PDLIM3: variants seen among roughly 807,000 people sequenced by gnomAD.
PDLIM3 encodes PDZ and LIM domain 3.
A neutral mutation model predicts 37.3 loss-of-function variants in PDLIM3; 36 were observed. That is an observed-to-expected ratio of 0.97 (90% CI 0.74 to 1.28). The LOEUF (loss-of-function observed/expected upper bound fraction) is 1.28. PDLIM3 is among the 50% of genes most tolerant of loss of function. The pLI, the probability that PDLIM3 is intolerant of heterozygous loss-of-function variation, is 0.00. For synonymous variants in PDLIM3, 174 were observed against 182.4 expected (o/e 0.95, Z 0.37); for missense variants, 454 against 485.0 (o/e 0.94, Z 0.60).
chr4:185,523,221 T>C (rs2095725664), intron 3 of PDLIM3, 141 bp downstream of exon 3: 1 of 636,790 alleles, frequency 1.6e-6, no homozygotes, highest in Admixed American at 2.7e-5. Context: ...ATAATATAAA[T>C]TAATCTCGGA....
In PDLIM3 at chr4:185,502,466, G is replaced by A. The variant is rs774383499; in HGVS notation, c.923C>T (p.Ala308Val). ...CTCAGGGTGCCGGTACTTATCCCGC[G>A]CCTTCACCACAGCACCGCTGTTGGG... is the stretch of plus-strand genomic sequence containing the variant. Reference protein sequence around the residue: ...GSGIVGAVVKARDKYRHPECF... With the variant: ...GSGIVGAVVKVRDKYRHPECF... The change falls in exon 8 of 8, where the codon GCG becomes GTG. Residue 308 changes from alanine (A) to valine (V), a missense_variant. Physicochemically the swap from Ala to Val is moderately conservative, Grantham distance 64. Coordinates refer to ENST00000284767, the MANE Select transcript of PDLIM3 (RefSeq NM_014476.6). The A allele has an allele frequency of 6.2e-6, 10 of 1,613,962 alleles. No individual in the cohort carries two copies. Among genetic ancestry groups the A allele is most frequent in the East Asian group, 2.2e-5 (1 of 44,884 alleles).
At chr4:185,518,776 C>T (rs980756540) in intron 3 of PDLIM3, among the ~76,000 whole-genome samples, 1 of 152,074 alleles carries the variant, frequency 6.6e-6, no homozygotes, top group Non-Finnish European at 1.5e-5. Flanking sequence ...TTCCAGTTAC[C>T]AAAACACTTT....
intron 7 of PDLIM3, among the ~76,000 whole-genome samples, chr4:185,503,306 G>A (rs935715664): frequency 2.0e-5 from 3 of 152,216 alleles, no homozygotes; most frequent in Admixed American, 2.0e-4. Flanking sequence ...TTTGGGGTGG[G>A]TGGATTGGCT....
intron 1 of PDLIM3, among the ~76,000 whole-genome samples, chr4:185,528,476 AT>A (rs1241551551): frequency 6.6e-6 from 1 of 152,242 alleles, no homozygotes; most frequent in African/African-American, 2.4e-5. Flanking sequence ...TCTTATACTT[AT>A]GCAAAATGTT....
rs1234029490 is a variant in PDLIM3 at position 185,514,627 on chromosome 4, C to T, written c.331-290G>A. The T allele has an allele frequency of 1.4e-6, 2 of 1,402,398 alleles. No homozygotes were observed. Among genetic ancestry groups the T allele is most frequent in the Non-Finnish European group, 1.9e-6 (2 of 1,045,314 alleles). 86.9% of individuals were successfully genotyped at this position (1,402,398 alleles called of 1,614,324 possible). A position where few individuals can be genotyped will look rare whatever the true frequency, so the allele number is the denominator to read the frequency against. On this transcript the variant is annotated intron_variant, in intron 3 of 7. Transcript: ENST00000284767. The surrounding 1 kb of genome is among the most constrained non-coding windows in gnomAD (Gnocchi z 4.0). ...GAAAGTAAAAATAAAACAGCAAGAG[C>T]TGGACTTTTGAAAAGAAAAGAAACC...
chr4:185,525,700 G>C (rs929795231), intron 1 of PDLIM3, among the ~76,000 whole-genome samples: 2 of 152,122 alleles, frequency 1.3e-5, no homozygotes, highest in Non-Finnish European at 2.9e-5. Flanking sequence ...GGACTTTTGG[G>C]GGGTAATTAG....
intron 7 of PDLIM3, among the ~76,000 whole-genome samples, chr4:185,502,768 A>T (rs113358918): frequency 2.0e-5 from 3 of 152,260 alleles, no homozygotes; most frequent in African/African-American, 7.2e-5. Flanking sequence ...CTACTTCATG[A>T]TCTTTCCCCA....
At chr4:185,516,576 A>G (rs377189220) in intron 3 of PDLIM3, 6 of 152,200 alleles carry the variant, frequency 3.9e-5, no homozygotes, top group African/African-American at 1.4e-4. Context: ...AATATGAACA[A>G]CTTCCTGTAG....
chr4:185,521,370 A>T lies in PDLIM3; in HGVS notation c.330+1992T>A, dbSNP rs1399006573. On this transcript the variant is annotated intron_variant, in intron 3 of 7. Coordinates refer to ENST00000284767, the MANE Select transcript of PDLIM3 (RefSeq NM_014476.6). ...AAAGAGCAAAAGTCTTACCTAGCCT[A>T]AGTATCCCACTCAACTTTCTTTTCT... is the stretch of plus-strand genomic sequence containing the variant. 3.4e-5 allele frequency among the ~76,000 whole-genome samples: 2 copies of T among 58,130 alleles called. 1 individual carries two copies. The highest frequency in any genetic ancestry group is 1.4e-4 in the Non-Finnish European group (2 of 14,200). 38.1% of individuals were successfully genotyped at this position (58,130 alleles called of 152,430 possible).
At chr4:185,510,225 G>C (rs1440533957) in intron 4 of PDLIM3, among the ~76,000 whole-genome samples, 1 of 152,084 alleles carries the variant, frequency 6.6e-6, no homozygotes, top group Non-Finnish European at 1.5e-5. Context: ...AATCAGTTTA[G>C]GGATTTGAAA....
At chr4:185,510,415 C>T (rs2095704678) in intron 4 of PDLIM3, among the ~76,000 whole-genome samples, 1 of 152,132 alleles carries the variant, frequency 6.6e-6, no homozygotes, top group African/African-American at 2.4e-5. Context: ...TAATATTTTT[C>T]TGCTATAAAA....
Position 185,500,719 on chromosome 4 carries a change from G to A in PDLIM3, c.*1575C>T, listed in dbSNP as rs1183450642. 6.6e-6 allele frequency: 1 copy of A among 152,196 alleles called. No individual in the cohort carries two copies. Among genetic ancestry groups the A allele is most frequent in the Non-Finnish European group, 1.5e-5 (1 of 68,046 alleles). The allele number at this position is 152,196 out of a possible 1,614,324, so 9.4% of individuals were successfully genotyped here. Reference sequence around the variant, plus strand: ...AATAGCTTTGTTAGTGAATGCATGTGTTGGCACAGGAGTTGCAATGTCAAA... The same window carrying A: ...AATAGCTTTGTTAGTGAATGCATGTATTGGCACAGGAGTTGCAATGTCAAA... On this transcript the variant is annotated 3_prime_UTR_variant, in exon 8 of 8. Transcript: ENST00000284767.
At chr4:185,530,989 TACACACACACAC>T (rs374546592) in intron 1 of PDLIM3, among the ~76,000 whole-genome samples, 2 of 21,700 alleles carry the variant, frequency 9.2e-5, no homozygotes, top group African/African-American at 2.7e-4. Flanking sequence ...CACACACACA[TACACACACACAC>T]ACACACACAC....
intron 1 of PDLIM3, among the ~76,000 whole-genome samples, chr4:185,527,387 A>C (rs1031947484): frequency 2.0e-5 from 3 of 152,236 alleles, no homozygotes; most frequent in Admixed American, 1.3e-4. Context: ...TGAATAAATA[A>C]AAATTGCTAA....
In PDLIM3 at chr4:185,521,481, C is replaced by T. The variant is rs1211920739; in HGVS notation, c.330+1881G>A. On this transcript the variant is annotated intron_variant, in intron 3 of 7. Transcript: ENST00000284767. ...GTGCAATCACAGCTCACTGCAGCCT[C>T]GACATCCTGGGCTCAAGCACTCCTC... Among the ~76,000 whole-genome samples, 4 of 60,996 alleles carry T rather than the reference C, an allele frequency of 6.6e-5. 2 individuals are homozygous for T. Among genetic ancestry groups the T allele is most frequent in the Non-Finnish European group, 2.7e-4 (4 of 14,790 alleles). The allele number at this position is 60,996 out of a possible 152,430, so 40.0% of individuals were successfully genotyped here.
rs1370816956 is a variant in PDLIM3, at chr4:185,504,189, G to T, written c.905+286C>A. On this transcript the variant is annotated intron_variant, in intron 7 of 7. Coordinates refer to ENST00000284767, the MANE Select transcript of PDLIM3 (RefSeq NM_014476.6). The surrounding 1 kb of genome is among the most constrained non-coding windows in gnomAD (Gnocchi z 4.7). The stretch of plus-strand genomic sequence containing the variant: ...GTGGGGGAGTTTAAAGTGAAGTCTT[G>T]ATTCTTAGACGTGACTTTTCAACAT... Among the ~76,000 whole-genome samples the T allele has an allele frequency of 1.3e-5, 2 of 151,874 alleles. No homozygotes were observed. The highest frequency in any genetic ancestry group is 2.9e-5 in the Non-Finnish European group (2 of 67,968).
At chr4:185,503,236 CAAT>C (rs1195750879) in intron 7 of PDLIM3, among the ~76,000 whole-genome samples, 10 of 50,180 alleles carry the variant, frequency 2.0e-4, no homozygotes, top group Non-Finnish European at 5.7e-4. Flanking sequence ...ACAACAACAA[CAAT>C]AACAACAAAA....
chr4:185,523,107 GAC>G, intron 3 of PDLIM3: 1 of 326,760 alleles, frequency 3.1e-6, no homozygotes, highest in Non-Finnish European at 5.7e-6. Flanking sequence ...ATAATAAGTG[GAC>G]TCTGTAGATT....
Position 185,514,113 on chromosome 4 carries a change from G to T in PDLIM3, c.398+157C>A. 5 of 1,526,938 alleles carry T rather than the reference G, an allele frequency of 3.3e-6. No homozygotes were observed. Among genetic ancestry groups the T allele is most frequent in the Non-Finnish European group, 3.5e-6 (4 of 1,138,712 alleles). 94.6% of individuals were successfully genotyped at this position (1,526,938 alleles called of 1,614,324 possible). On this transcript the variant is annotated intron_variant, in intron 4 of 7. Transcript: ENST00000284767. The surrounding 1 kb of genome is among the most constrained non-coding windows in gnomAD (Gnocchi z 4.0). ...TGGAAATGCAAGTTATTTGGCTTCT[G>T]TTCTCTGCCAAGTGAGTTTGTTTCT...
Sources: allele counts gnomAD v4.1 joint callset (sites outside exome capture counted in the v4.1 genomes callset), GRCh38; gene constraint gnomAD v4.1.1; non-coding constraint Gnocchi (gnomAD v3.1); transcripts MANE v1.5; gene names NCBI Gene and HGNC (gene_info 2026-07-23, HGNC 2026-07-21).